Variants in MTUS2 observed in about 807,000 individuals in gnomAD.
MTUS2 encodes microtubule associated scaffold protein 2, also known as microtubule-associated tumor suppressor candidate 2.
A neutral mutation model predicts 114.1 loss-of-function variants in MTUS2; 40 were observed. The observed-to-expected ratio is 0.35, with a 90% CI of 0.27 to 0.46. The LOEUF (loss-of-function observed/expected upper bound fraction) is 0.46. Among genes scored for constraint, MTUS2 ranks in the 20% least tolerant of loss-of-function variants. The pLI is 1.00. For missense variants in MTUS2, 1,679 were observed against 1,705.4 expected (o/e 0.98, Z 0.27); for synonymous variants, 688 against 672.0 (o/e 1.02, Z -0.37).
chr13:29,222,131 A>G (rs1379161672), intron 5 of MTUS2, among the ~76,000 whole-genome samples: 1 of 152,144 alleles, frequency 6.6e-6, no homozygotes, highest in African/African-American at 2.4e-5. Context: ...TTGATTTTTT[A>G]CAGAAATAAC....
intron 4 of MTUS2, chr13:29,072,263 T>C (rs749641429): frequency 6.6e-6 from 1 of 152,208 alleles, no homozygotes; most frequent in African/African-American, 2.4e-5. Context: ...GGTTGTTATT[T>C]TTAATTCTAC....
chr13:28,955,754 G>A (rs1480553952), intron 2 of MTUS2, among the ~76,000 whole-genome samples: 1 of 151,908 alleles, frequency 6.6e-6, no homozygotes, highest in East Asian at 2.0e-4. Context: ...TAGAATTCCA[G>A]CACCCACTTG....
At position 29,346,767 on chromosome 13, in the gene MTUS2, C is replaced by T. The variant is rs186474889; in HGVS notation, c.2906-12495C>T. ...TGGTCTTTCCCCAATTCCACTGGCA[C>T]CCCTCCCCAAGAACTCCTGAGAGAC... On this transcript the variant is annotated intron_variant, in intron 7 of 15. Coordinates refer to ENST00000612955, the MANE Select transcript of MTUS2 (RefSeq NM_001033602.4). Among the ~76,000 whole-genome samples the T allele has an allele frequency of 5.4e-3, 789 of 146,526 alleles. 6 individuals carry two copies. Among genetic ancestry groups the T allele is most frequent in the South Asian group, 0.014 (68 of 4,780 alleles).
chr13:29,398,335 T>G (rs1312544218), intron 8 of MTUS2, among the ~76,000 whole-genome samples: 2 of 151,784 alleles, frequency 1.3e-5, no homozygotes, highest in Non-Finnish European at 2.9e-5. Context: ...GTGGCAGATG[T>G]CTGTAATCCC....
rs536944455 is a variant in MTUS2 at position 28,914,676 on chromosome 13, G to A, written c.-243+74826G>A. 7.9e-5 allele frequency among the ~76,000 whole-genome samples: 12 copies of A among 152,096 alleles called. No individual in the cohort carries two copies. The East Asian group carries it at 2.1e-3, about 27-fold the overall frequency. ...CTGTCTCGATGATCTAATATTTTCAGTTGGGTGTTAAAGTTTCCCACTATT... is the reference window on the plus strand; with the variant it reads ...CTGTCTCGATGATCTAATATTTTCAATTGGGTGTTAAAGTTTCCCACTATT... On this transcript the variant is annotated intron_variant, in intron 2 of 15. Transcript: ENST00000612955.
At chr13:29,417,990 C>G (rs1271567065) in intron 8 of MTUS2, among the ~76,000 whole-genome samples, 1 of 152,110 alleles carries the variant, frequency 6.6e-6, no homozygotes, top group Non-Finnish European at 1.5e-5. Context: ...GTAACTGGAA[C>G]AAGGGATTTG....
intron 2 of MTUS2, among the ~76,000 whole-genome samples, chr13:28,936,944 G>A (rs559923713): frequency 6.6e-6 from 1 of 152,290 alleles, no homozygotes; most frequent in African/African-American, 2.4e-5. Flanking sequence ...ACAACATGAT[G>A]TGACCTTCTG....
chr13:29,060,734 C>T (rs1888376429), intron 4 of MTUS2, among the ~76,000 whole-genome samples: 1 of 150,152 alleles, frequency 6.7e-6, no homozygotes, highest in Admixed American at 6.6e-5. Flanking sequence ...TCTTGTTATT[C>T]GTTTTCTATT....
intron 7 of MTUS2, among the ~76,000 whole-genome samples, chr13:29,346,546 C>A (rs1239790960): frequency 5.6e-5 from 8 of 141,594 alleles, no homozygotes; most frequent in Non-Finnish European, 1.2e-4. Flanking sequence ...AGTCTCACTC[C>A]CACCATGTCC....
At chr13:28,834,928 G>T (rs1017042434) in intron 1 of MTUS2, among the ~76,000 whole-genome samples, 1 of 152,148 alleles carries the variant, frequency 6.6e-6, no homozygotes, top group Non-Finnish European at 1.5e-5. Flanking sequence ...TAAGCATATG[G>T]AAAGGCAGTC....
At chr13:29,212,612 A>G (rs1895491210) in intron 5 of MTUS2, among the ~76,000 whole-genome samples, 1 of 151,650 alleles carries the variant, frequency 6.6e-6, no homozygotes, top group South Asian at 2.1e-4. Context: ...TCCTTAAGTA[A>G]TAACAGCTCA....
chr13:29,066,006 C>T (rs1593439707), intron 4 of MTUS2, among the ~76,000 whole-genome samples: 2 of 152,092 alleles, frequency 1.3e-5, no homozygotes, highest in African/African-American at 2.4e-5. Context: ...CTTCTCACTA[C>T]GCATAACCCA....
intron 6 of MTUS2, among the ~76,000 whole-genome samples, chr13:29,318,049 T>A (rs1017212385): frequency 2.0e-5 from 3 of 152,216 alleles, no homozygotes; most frequent in African/African-American, 7.2e-5. Flanking sequence ...GGAGCTGATC[T>A]GTGGGGCCAG....
intron 13 of MTUS2, 87 bp downstream of exon 13, chr13:29,497,423 C>A: frequency 8.6e-7 from 1 of 1,160,516 alleles, no homozygotes; most frequent in Non-Finnish European, 1.3e-6. Context: ...CGTCCCAAGA[C>A]AAGGCCTCTC....
chr13:29,315,274 AT>A (rs767102521), intron 6 of MTUS2, among the ~76,000 whole-genome samples: 2 of 152,198 alleles, frequency 1.3e-5, no homozygotes, highest in African/African-American at 2.4e-5. Context: ...ACTCTAGTTA[AT>A]TATACACTAT....
chr13:29,360,843 A>C (rs1396627491), intron 8 of MTUS2, among the ~76,000 whole-genome samples: 1 of 152,178 alleles, frequency 6.6e-6, no homozygotes, highest in Non-Finnish European at 1.5e-5. Flanking sequence ...AGAGGAAAAC[A>C]GGGCTGTTCC....
At chr13:29,353,548 A>G (rs1593339425) in intron 7 of MTUS2, among the ~76,000 whole-genome samples, 1 of 151,374 alleles carries the variant, frequency 6.6e-6, no homozygotes, top group Non-Finnish European at 1.5e-5. Context: ...CAGTCCACTC[A>G]CCTCAGCCTC....
At chr13:28,973,623 C>T (rs1883956031) in intron 2 of MTUS2, among the ~76,000 whole-genome samples, 1 of 152,186 alleles carries the variant, frequency 6.6e-6, no homozygotes, top group Admixed American at 6.5e-5. Context: ...GGGTTTCTAA[C>T]TGTAATCATA....
chr13:28,843,604 G>A (rs1368822931), intron 2 of MTUS2, among the ~76,000 whole-genome samples: 1 of 152,122 alleles, frequency 6.6e-6, no homozygotes, highest in African/African-American at 2.4e-5. Context: ...ATGTCACATG[G>A]GCAATTCTCT....
Sources: gnomAD v4.1 joint callset for allele counts (sites outside exome capture counted in the v4.1 genomes callset) on GRCh38, gnomAD v4.1.1 for gene constraint, MANE v1.5 for transcripts, NCBI Gene and HGNC (gene_info 2026-07-23, HGNC 2026-07-21) for gene names.